Variants in KCNAB1 observed in about 807,000 individuals in gnomAD.
KCNAB1 encodes voltage-gated potassium channel subunit beta-1.
KCNAB1 carries 35 observed loss-of-function variants against 64.6 expected under a neutral mutation model. The ratio of observed to expected loss-of-function variants is 0.54; its 90% CI spans 0.41 to 0.72. The LOEUF is 0.72. Among genes scored for constraint, KCNAB1 ranks in the 30% least tolerant of loss-of-function variants. The probability of loss-of-function intolerance (pLI) is 0.00; values close to 1 mark genes in which losing one functional copy is unlikely to be tolerated. For missense variants in KCNAB1, 401 were observed against 512.9 expected, an observed-to-expected ratio of 0.78 and a Z score of 2.11; for synonymous variants, 177 against 183.8, an observed-to-expected ratio of 0.96 and a Z score of 0.30.
At chr3:156,420,488 C>T (rs1715398777) in intron 1 of KCNAB1, among the ~76,000 whole-genome samples, 1 of 152,178 alleles carries the variant, frequency 6.6e-6, no homozygotes, top group East Asian at 1.9e-4. Context: ...GTACTAATTG[C>T]TAAGTCTAAA....
intron 1 of KCNAB1, among the ~76,000 whole-genome samples, chr3:156,161,257 C>T (rs940742562): frequency 6.6e-6 from 1 of 152,150 alleles, no homozygotes; most frequent in African/African-American, 2.4e-5. Context: ...TGGGGGTGCT[C>T]ACCAAATCCT....
intron 8 of KCNAB1, among the ~76,000 whole-genome samples, chr3:156,503,536 G>C (rs1216309642): frequency 1.3e-5 from 2 of 152,174 alleles, no homozygotes; most frequent in Non-Finnish European, 2.9e-5. Flanking sequence ...GAGTTCCCAG[G>C]ACAGCCTGTG....
At chr3:156,207,298 C>T (rs988688718) in intron 1 of KCNAB1, among the ~76,000 whole-genome samples, 1 of 152,158 alleles carries the variant, frequency 6.6e-6, no homozygotes, top group Admixed American at 6.5e-5. Flanking sequence ...TTTATACTCT[C>T]CTTGCAGGGG....
chr3:156,356,169 C>A (rs1725226236), intron 1 of KCNAB1, among the ~76,000 whole-genome samples: 3 of 138,112 alleles, frequency 2.2e-5, no homozygotes, highest in Non-Finnish European at 3.1e-5. Context: ...AGAAAGCAAG[C>A]AAGAAAAAAA....
chr3:156,177,925 A>G, intron 1 of KCNAB1, among the ~76,000 whole-genome samples: 1 of 151,408 alleles, frequency 6.6e-6, no homozygotes, highest in African/African-American at 2.4e-5. Flanking sequence ...TTTAGTAGAG[A>G]CGGGGTTTCA....
intron 8 of KCNAB1, among the ~76,000 whole-genome samples, chr3:156,476,520 TATACAC>T (rs1714357666): frequency 1.8e-5 from 2 of 111,354 alleles, no homozygotes; most frequent in African/African-American, 4.3e-5. Flanking sequence ...TATATATATA[TATACAC>T]ACACACACAC....
At chr3:156,236,907 A>G (rs964324281) in intron 1 of KCNAB1, among the ~76,000 whole-genome samples, 1 of 152,196 alleles carries the variant, frequency 6.6e-6, no homozygotes, top group African/African-American at 2.4e-5. Context: ...AACACACTAA[A>G]TTTAATAAAT....
At chr3:156,184,340 C>A (rs1053625507) in intron 1 of KCNAB1, among the ~76,000 whole-genome samples, 1 of 152,200 alleles carries the variant, frequency 6.6e-6, no homozygotes, top group African/African-American at 2.4e-5. Context: ...CATCTCCAGG[C>A]TCCCTGTTGT....
chr3:156,204,740 C>T (rs185349293), intron 1 of KCNAB1, among the ~76,000 whole-genome samples: 2,526 of 152,056 alleles, frequency 0.017, 36 homozygotes, highest in Non-Finnish European at 0.025. Flanking sequence ...GGCTGAGGCA[C>T]GAGAATCGTT....
intron 1 of KCNAB1, among the ~76,000 whole-genome samples, chr3:156,137,662 C>T (rs1577624238): frequency 6.6e-6 from 1 of 151,786 alleles, no homozygotes; most frequent in Admixed American, 6.6e-5. Flanking sequence ...ACTCCTGCCT[C>T]AGCCTTCCAA....
chr3:156,395,542 CTCAAAAAAAAAAAAAA>C, intron 1 of KCNAB1, among the ~76,000 whole-genome samples: 1 of 15,430 alleles, frequency 6.5e-5, no homozygotes, highest in South Asian at 3.2e-3. Flanking sequence ...GAGACTCCGT[CTCAAAAAAAAAAAAAA>C]AAAAAAAAAA....
intron 1 of KCNAB1, among the ~76,000 whole-genome samples, chr3:156,327,630 T>C (rs1330918963): frequency 1.3e-5 from 2 of 152,142 alleles, no homozygotes; most frequent in African/African-American, 4.8e-5. Flanking sequence ...CATTGTAGCA[T>C]GGGAATTGGA....
At chr3:156,256,981 C>T (rs1718135420) in intron 1 of KCNAB1, among the ~76,000 whole-genome samples, 1 of 152,230 alleles carries the variant, frequency 6.6e-6, no homozygotes, top group Non-Finnish European at 1.5e-5. Flanking sequence ...GTGACCACTC[C>T]TTCCAATTGC....
In KCNAB1 at chr3:156,483,854, C is replaced by G. The variant is rs1198219386; in HGVS notation, c.658+9034C>G. On this transcript the variant is annotated intron_variant, in intron 8 of 13. Coordinates refer to ENST00000490337, the MANE Select transcript of KCNAB1 (RefSeq NM_172160.3). ...ACAGAGCCCCTGGTTAACAAATGAT[C>G]TTTTCCAACTGGGTTCCATAGAAAG... Among the ~76,000 whole-genome samples, 9 of 152,258 alleles carry G rather than the reference C, an allele frequency of 5.9e-5. No homozygotes were observed. In the East Asian group the frequency reaches 1.7e-3, roughly 29 times the overall value.
chr3:156,379,311 T>G (rs1243640309), intron 1 of KCNAB1, among the ~76,000 whole-genome samples: 1 of 152,234 alleles, frequency 6.6e-6, no homozygotes, highest in Non-Finnish European at 1.5e-5. Flanking sequence ...TTGTGGAGCT[T>G]ACATTTTAAC....
chr3:156,480,015 CA>C (rs1322563017), intron 8 of KCNAB1, among the ~76,000 whole-genome samples: 1 of 152,048 alleles, frequency 6.6e-6, no homozygotes, highest in East Asian at 1.9e-4. Context: ...TGCCAGAAAG[CA>C]AAAAACATTG....
In KCNAB1 at chr3:156,356,388, A is replaced by AT. The variant is rs112842962; in HGVS notation, c.276-65218dup. ...AGAAAATAACTTAAATTCTGTTTTC[A>AT]TTTTTTTTTTCAAGAACTTATTTAA... is the stretch of plus-strand genomic sequence containing the variant. On this transcript the variant is annotated intron_variant, in intron 1 of 13. Transcript: ENST00000490337. Among the ~76,000 whole-genome samples, 23 of 149,424 alleles carry AT rather than the reference A, an allele frequency of 1.5e-4. No homozygotes were observed. The South Asian group carries it at 2.6e-3, about 17-fold the overall frequency.
At chr3:156,417,584 A>G (rs1328331202) in intron 1 of KCNAB1, among the ~76,000 whole-genome samples, 2 of 152,224 alleles carry the variant, frequency 1.3e-5, no homozygotes, top group African/African-American at 4.8e-5. Context: ...ATTTAAAACA[A>G]CAAATTTGGG....
At chr3:156,278,885 G>C (rs935496088) in intron 1 of KCNAB1, among the ~76,000 whole-genome samples, 1 of 152,132 alleles carries the variant, frequency 6.6e-6, no homozygotes, top group Non-Finnish European at 1.5e-5. Context: ...ATAATGCTCA[G>C]TAAAACATTC....
Sources: gnomAD v4.1 joint callset for allele counts (sites outside exome capture counted in the v4.1 genomes callset) on GRCh38, gnomAD v4.1.1 for gene constraint, MANE v1.5 for transcripts, NCBI Gene and HGNC (gene_info 2026-07-23, HGNC 2026-07-21) for gene names.